Variants in DYNC2I1 observed in about 807,000 individuals in gnomAD.
DYNC2I1 encodes the protein dynein 2 intermediate chain 1, also known as cytoplasmic dynein 2 intermediate chain 1.
Under a neutral mutation model 133.4 loss-of-function variants are expected in DYNC2I1, and 89 were observed. That is an observed-to-expected ratio of 0.67 (90% CI 0.56 to 0.80). The LOEUF (loss-of-function observed/expected upper bound fraction) is 0.80. Among genes scored for constraint, DYNC2I1 ranks in the 30% least tolerant of loss-of-function variants. The probability of loss-of-function intolerance (pLI) is 0.00; values close to 1 mark genes in which losing one functional copy is unlikely to be tolerated. For missense variants in DYNC2I1, 1,291 were observed against 1,314.5 expected, an observed-to-expected ratio of 0.98 and a Z score of 0.28; for synonymous variants, 504 against 484.3, an observed-to-expected ratio of 1.04 and a Z score of -0.54.
At chr7:158,854,469 G>A (rs1010148980), upstream of DYNC2I1, among the ~76,000 whole-genome samples, 5 of 149,962 alleles carry the variant, frequency 3.3e-5, no homozygotes, top group Admixed American at 6.7e-5. Flanking sequence ...CATGGACACA[G>A]GGAGAGGAAC....
chr7:158,950,080 G>A (rs1852010220), downstream of DYNC2I1, among the ~76,000 whole-genome samples: 2 of 151,564 alleles, frequency 1.3e-5, no homozygotes, highest in African/African-American at 2.4e-5. Flanking sequence ...CAAGTCGAGC[G>A]TTTTTAAAAT....
intron 8 of DYNC2I1, among the ~76,000 whole-genome samples, chr7:158,893,228 G>A (rs1228429122): frequency 2.6e-5 from 4 of 152,046 alleles, no homozygotes; most frequent in Non-Finnish European, 4.4e-5. Flanking sequence ...CCTGTGCTCC[G>A]GCTGTTCATC....
In DYNC2I1 at chr7:158,941,876, CAAAAAG is replaced by C. The variant is rs779615222; in HGVS notation, c.2779-42_2779-37del. ...TGGGTGACAGAGTGAGACCCTGTCT[CAAAAAG>C]AAAAAGGCCATGCTCAGCAGTGTTC... On this transcript the variant is annotated intron_variant, in intron 23 of 24. Coordinates refer to ENST00000407559, the MANE Select transcript of DYNC2I1 (RefSeq NM_018051.5). The C allele has an allele frequency of 5.2e-6, 8 of 1,547,722 alleles. No individual in the cohort carries two copies. In the South Asian group the frequency reaches 9.5e-5, roughly 18 times the overall value.
chr7:158,945,275 C>T lies in DYNC2I1; in HGVS notation c.3003-306C>T, dbSNP rs535965120. Among the ~76,000 whole-genome samples, 1 of 152,234 alleles carries T rather than the reference C, an allele frequency of 6.6e-6. No homozygotes were observed. The highest frequency in any genetic ancestry group is 2.1e-4 in the South Asian group (1 of 4,818). On this transcript the variant is annotated intron_variant, in intron 24 of 24. Coordinates refer to ENST00000407559, the MANE Select transcript of DYNC2I1 (RefSeq NM_018051.5). This position sits in a 1 kb window ranked among gnomAD's most constrained non-coding sequence, Gnocchi z 4.1. ...GACGAGGCTCTGATAGATGGGCCTG[C>T]CTGTGCTGCTGATGGCCCCCACCTT...
chr7:158,949,879 C>G (rs1347394395), downstream of DYNC2I1, among the ~76,000 whole-genome samples: 1 of 151,700 alleles, frequency 6.6e-6, no homozygotes, highest in Non-Finnish European at 1.5e-5. Context: ...TCAAGCGATT[C>G]TTCTGCCTCA....
chr7:158,895,629 C>A (rs1374165992), intron 8 of DYNC2I1, among the ~76,000 whole-genome samples: 1 of 152,184 alleles, frequency 6.6e-6, no homozygotes, highest in Non-Finnish European at 1.5e-5. Flanking sequence ...GGATCTTCTG[C>A]CTCTACATCT....
chr7:158,939,043 G>T (rs1279530266), intron 23 of DYNC2I1, among the ~76,000 whole-genome samples: 1 of 151,642 alleles, frequency 6.6e-6, no homozygotes, highest in African/African-American at 2.4e-5. Context: ...AATGTGAGAG[G>T]GTTAAAGTGT....
At chr7:158,927,150 T>TCC in intron 20 of DYNC2I1, 107 bp downstream of exon 20, 1 of 750,452 alleles carries the variant, frequency 1.3e-6, no homozygotes, top group Non-Finnish European at 2.2e-6. Context: ...GCTGGGAGCC[T>TCC]CAGCACGTTG....
At chr7:158,915,842 C>T (rs1469108057) in intron 14 of DYNC2I1, among the ~76,000 whole-genome samples, 1 of 140,196 alleles carries the variant, frequency 7.1e-6, no homozygotes, top group African/African-American at 2.7e-5. Flanking sequence ...AACGTCAACA[C>T]GCTGGTTGAC....
chr7:158,862,552 TAAA>T (rs71200073), intron 1 of DYNC2I1, among the ~76,000 whole-genome samples: 4 of 105,842 alleles, frequency 3.8e-5, no homozygotes, highest in South Asian at 3.4e-4. Context: ...CCCTATCTCT[TAAA>T]AAAAAAAAAA....
At chr7:158,931,898 C>T (rs1007901404) in intron 21 of DYNC2I1, among the ~76,000 whole-genome samples, 2 of 152,172 alleles carry the variant, frequency 1.3e-5, no homozygotes, top group African/African-American at 4.8e-5. Flanking sequence ...AGGAAGAAGG[C>T]TCTGCAGTGG....
chr7:158,879,868 A>G lies in DYNC2I1; in HGVS notation c.758A>G (p.Glu253Gly). 1.2e-6 allele frequency: 2 copies of G among 1,613,864 alleles called. No homozygotes were observed. Among genetic ancestry groups the G allele is most frequent in the Non-Finnish European group, 1.7e-6 (2 of 1,179,856 alleles). Residue 253 changes from glutamate to glycine, a missense_variant, in exon 5 of 25, where the codon GAA (glutamate) becomes GGA (glycine). By Grantham distance (98) the Glu-to-Gly change is moderately conservative. Coordinates refer to ENST00000407559, the MANE Select transcript of DYNC2I1 (RefSeq NM_018051.5). Reference protein sequence around the residue: ...EKSNSFSDKGEERHKEKRHKE... With the variant: ...EKSNSFSDKGGERHKEKRHKE... Reference sequence around the variant, plus strand: ...AGTAATTCATTCTCTGACAAAGGGGAAGAAAGACATAAAGAAAAGCGACAC... The same window carrying G: ...AGTAATTCATTCTCTGACAAAGGGGGAGAAAGACATAAAGAAAAGCGACAC...
chr7:158,870,632 C>A (rs1375586268), intron 2 of DYNC2I1, among the ~76,000 whole-genome samples: 1 of 152,128 alleles, frequency 6.6e-6, no homozygotes, highest in Non-Finnish European at 1.5e-5. Context: ...CTTAGCCTCC[C>A]AAAGTGCTGG....
chr7:158,902,761 C>G, intron 10 of DYNC2I1, 166 bp downstream of exon 10: 3 of 635,482 alleles, frequency 4.7e-6, no homozygotes, highest in Non-Finnish European at 8.1e-6. Flanking sequence ...ATAGGAGGCC[C>G]CTGAAGACTT....
chr7:158,931,760 C>G (rs1850240563), intron 21 of DYNC2I1, among the ~76,000 whole-genome samples: 1 of 152,190 alleles, frequency 6.6e-6, no homozygotes, highest in African/African-American at 2.4e-5. Context: ...GCTCAACCAA[C>G]CATGTTGAGC....
intron 4 of DYNC2I1, among the ~76,000 whole-genome samples, chr7:158,952,557 C>G (rs904076070): frequency 6.7e-5 from 7 of 104,946 alleles, no homozygotes; most frequent in African/African-American, 2.3e-4. Context: ...GAAAAGTAAA[C>G]TAGATACTTA....
chr7:158,888,514 C>T (rs1030982620), intron 7 of DYNC2I1, among the ~76,000 whole-genome samples: 1 of 151,936 alleles, frequency 6.6e-6, no homozygotes, highest in Non-Finnish European at 1.5e-5. Flanking sequence ...CTCTGTTGCC[C>T]AGGCTGGAGT....
At chr7:158,898,948 C>G (rs534456537) in intron 8 of DYNC2I1, among the ~76,000 whole-genome samples, 17 of 151,758 alleles carry the variant, frequency 1.1e-4, no homozygotes, top group Non-Finnish European at 2.5e-4. Context: ...AAGACTGTAT[C>G]ACTCCCATTC....
intron 17 of DYNC2I1, among the ~76,000 whole-genome samples, chr7:158,924,038 G>A (rs1849368908): frequency 6.6e-6 from 1 of 152,106 alleles, no homozygotes; most frequent in Non-Finnish European, 1.5e-5. Context: ...TGTTCTTCAG[G>A]GCAAAGATAG....
Sources: gnomAD v4.1 joint callset for allele counts (sites outside exome capture counted in the v4.1 genomes callset) on GRCh38, gnomAD v4.1.1 for gene constraint, Gnocchi (gnomAD v3.1) non-coding constraint, MANE v1.5 for transcripts, NCBI Gene and HGNC (gene_info 2026-07-23, HGNC 2026-07-21) for gene names.